Variants in TBC1D19 observed in about 807,000 individuals in gnomAD.
The protein encoded by TBC1D19 is TBC1 domain family, member 19.
TBC1D19 carries 60 observed loss-of-function variants against 89.0 expected under a neutral mutation model. The observed-to-expected ratio is 0.67, with a 90% CI of 0.55 to 0.84. TBC1D19 has a LOEUF of 0.84. Among genes scored for constraint, TBC1D19 ranks in the 40% least tolerant of loss-of-function variants. The pLI is 0.00. For synonymous variants in TBC1D19, 189 were observed against 199.7 expected (o/e 0.95, Z 0.45); for missense variants, 500 against 610.8 (o/e 0.82, Z 1.91).
At chr4:26,691,865 A>C (rs777790270) in intron 13 of TBC1D19, among the ~76,000 whole-genome samples, 3 of 152,244 alleles carry the variant, frequency 2.0e-5, no homozygotes, top group African/African-American at 7.2e-5. Flanking sequence ...TCAGAAATAC[A>C]GAGTGGAAAT....
chr4:26,602,705 G>T (rs1464304286), intron 1 of TBC1D19, among the ~76,000 whole-genome samples: 1 of 151,616 alleles, frequency 6.6e-6, no homozygotes, highest in East Asian at 1.9e-4. Flanking sequence ...CTCCCAAAGT[G>T]CTGGGATTAC....
chr4:26,747,164 C>A (rs1311760038), intron 18 of TBC1D19, among the ~76,000 whole-genome samples: 1 of 152,068 alleles, frequency 6.6e-6, no homozygotes, highest in Non-Finnish European at 1.5e-5. Context: ...TAAATTATAG[C>A]ACAATAAGCT....
intron 13 of TBC1D19, among the ~76,000 whole-genome samples, chr4:26,704,054 AT>A (rs1715545032): frequency 6.6e-6 from 1 of 152,136 alleles, no homozygotes; most frequent in Admixed American, 6.5e-5. Flanking sequence ...ATGTTCCTAA[AT>A]TTTACAGGCA....
At chr4:26,620,884 G>T (rs1230369064) in intron 4 of TBC1D19, among the ~76,000 whole-genome samples, 196 bp downstream of exon 4, 2 of 152,014 alleles carry the variant, frequency 1.3e-5, no homozygotes, top group Non-Finnish European at 2.9e-5. Flanking sequence ...ATTTAACTAT[G>T]GCAACCCTGG....
At chr4:26,668,501 GA>G (rs372038872) in intron 9 of TBC1D19, among the ~76,000 whole-genome samples, 39 of 152,000 alleles carry the variant, frequency 2.6e-4, no homozygotes, top group African/African-American at 9.4e-4. Context: ...GCTTTTAGGG[GA>G]AAAAATAGTG....
chr4:26,748,910 A>G (rs921617266), intron 19 of TBC1D19, among the ~76,000 whole-genome samples: 1 of 152,176 alleles, frequency 6.6e-6, no homozygotes, highest in Non-Finnish European at 1.5e-5. Flanking sequence ...TCTATGCCCC[A>G]TCTCAACACC....
the TBC1D19 span, chr4:26,857,543 C>T: frequency 1.3e-5 from 2 of 152,210 alleles, no homozygotes; most frequent in Non-Finnish European, 2.9e-5. Context: ...CCCGCCCACG[C>T]GGTGACGCCA....
chr4:26,760,907 A>G (rs1461681792), downstream of TBC1D19, among the ~76,000 whole-genome samples: 2 of 152,134 alleles, frequency 1.3e-5, no homozygotes, highest in South Asian at 2.1e-4. Context: ...ATTTTTGTGT[A>G]TGGTGCAAGT....
intron 15 of TBC1D19, among the ~76,000 whole-genome samples, chr4:26,724,360 GA>G (rs1717167054): frequency 1.3e-5 from 2 of 152,096 alleles, no homozygotes; most frequent in South Asian, 4.2e-4. Flanking sequence ...TTTTATTGTT[GA>G]AAATGGAATA....
chr4:26,593,977 A>G (rs1483290715), intron 1 of TBC1D19, among the ~76,000 whole-genome samples: 2 of 152,234 alleles, frequency 1.3e-5, no homozygotes, highest in African/African-American at 4.8e-5. Flanking sequence ...TGACCCAGCC[A>G]TCCCATTACT....
At chr4:26,824,357 A>G in the TBC1D19 span, among the ~76,000 whole-genome samples, 1 of 152,380 alleles carries the variant, frequency 6.6e-6, no homozygotes, top group Admixed American at 6.5e-5. Flanking sequence ...GCAGTTTCAA[A>G]TGTTGACTAA....
At chr4:26,721,275 A>G (rs1297296965) in intron 15 of TBC1D19, among the ~76,000 whole-genome samples, 1 of 152,044 alleles carries the variant, frequency 6.6e-6, no homozygotes, top group Non-Finnish European at 1.5e-5. Flanking sequence ...AAGAAAAAAG[A>G]AGAAACTAAA....
intron 7 of TBC1D19, among the ~76,000 whole-genome samples, chr4:26,652,365 G>A (rs1021075340): frequency 3.9e-5 from 6 of 152,100 alleles, no homozygotes; most frequent in African/African-American, 1.4e-4. Context: ...TGGTTGGTAA[G>A]CTATTAATTA....
intron 1 of TBC1D19, among the ~76,000 whole-genome samples, chr4:26,593,293 A>G (rs1739956207): frequency 6.6e-6 from 1 of 152,234 alleles, no homozygotes; most frequent in Non-Finnish European, 1.5e-5. Flanking sequence ...CATATGTAGA[A>G]AGCTGAAACT....
intron 1 of TBC1D19, chr4:26,585,092 C>A: frequency 2.9e-6 from 1 of 350,470 alleles, no homozygotes. Flanking sequence ...ATAAGTAAAG[C>A]TGATATATAC....
chr4:26,585,287 C>T, intron 1 of TBC1D19: 2 of 372,518 alleles, frequency 5.4e-6, no homozygotes, highest in African/African-American at 2.1e-5. Flanking sequence ...AATTGTTTTG[C>T]GTCCTTGATA....
chr4:26,667,127 T>A (rs1711880011), intron 9 of TBC1D19, among the ~76,000 whole-genome samples: 1 of 152,052 alleles, frequency 6.6e-6, no homozygotes, highest in Non-Finnish European at 1.5e-5. Context: ...TACTATGTAA[T>A]CAGAAATAAC....
chr4:26,816,230 T>C, the TBC1D19 span, among the ~76,000 whole-genome samples: 1 of 110,532 alleles, frequency 9.0e-6, no homozygotes, highest in African/African-American at 3.7e-5. Context: ...GGCTTGTAGC[T>C]TGCCATCCCT....
chr4:26,820,646 C>T, the TBC1D19 span, among the ~76,000 whole-genome samples: 1 of 152,274 alleles, frequency 6.6e-6, no homozygotes, highest in Middle Eastern at 3.4e-3. Flanking sequence ...TGTGGTAGTG[C>T]AGATATCTCT....
Sources: allele counts gnomAD v4.1 joint callset (sites outside exome capture counted in the v4.1 genomes callset), GRCh38; gene constraint gnomAD v4.1.1; transcripts MANE v1.5; gene names NCBI Gene and HGNC (gene_info 2026-07-23, HGNC 2026-07-21).